The following SCNN1B variants were observed in gnomAD, a reference collection of about 807,000 sequenced individuals.
SCNN1B encodes the protein epithelial sodium channel subunit beta.
In SCNN1B, 46 loss-of-function variants were observed where a neutral mutation model predicts 65.3. That is an observed-to-expected ratio of 0.70 (90% CI 0.56 to 0.90). The LOEUF (loss-of-function observed/expected upper bound fraction) is 0.90, where lower values mean the gene tolerates loss of function less well. SCNN1B is among the 40% of genes least tolerant of loss of function. The pLI is 0.00. For synonymous variants in SCNN1B, 349 were observed against 330.6 expected (o/e 1.06, Z -0.60); for missense variants, 751 against 830.5 (o/e 0.90, Z 1.18).
chr16:23,371,252 T>C (rs1364515273), intron 5 of SCNN1B, 47 bp from the exon 6 acceptor site: 8 of 1,607,878 alleles, frequency 5.0e-6, no homozygotes, highest in South Asian at 2.2e-5. Flanking sequence ...GTCTCCTTTC[T>C]GCCTCAGGAG....
At chr16:23,311,535 C>T (rs1961343594) in intron 1 of SCNN1B, among the ~76,000 whole-genome samples, 1 of 152,180 alleles carries the variant, frequency 6.6e-6, no homozygotes, top group Admixed American at 6.5e-5. Context: ...TAACTGAGCT[C>T]AAGATTTGAA....
chr16:23,373,029 C>A (rs1427489350), intron 7 of SCNN1B, among the ~76,000 whole-genome samples: 3 of 151,976 alleles, frequency 2.0e-5, no homozygotes, highest in African/African-American at 7.2e-5. Flanking sequence ...ATTGCTTGAA[C>A]CCGGGAGGCG....
At chr16:23,361,161 C>T (rs1400896856) in intron 4 of SCNN1B, among the ~76,000 whole-genome samples, 1 of 152,134 alleles carries the variant, frequency 6.6e-6, no homozygotes, top group Non-Finnish European at 1.5e-5. Flanking sequence ...AACTTCTGAC[C>T]TCAGGTTATC....
At chr16:23,324,969 T>C (rs190215491) in intron 1 of SCNN1B, among the ~76,000 whole-genome samples, 127 of 152,368 alleles carry the variant, frequency 8.3e-4, no homozygotes, top group African/African-American at 2.8e-3. Flanking sequence ...CAGGGTGTTT[T>C]CCTGTGTAAT....
chr16:23,303,678 G>A (rs1338222767), intron 1 of SCNN1B, among the ~76,000 whole-genome samples: 2 of 151,986 alleles, frequency 1.3e-5, no homozygotes, highest in Non-Finnish European at 2.9e-5. Flanking sequence ...ACCCTTGGGA[G>A]GCTGAGGAGG....
chr16:23,304,976 G>A (rs556639732), intron 1 of SCNN1B, among the ~76,000 whole-genome samples: 1 of 152,258 alleles, frequency 6.6e-6, no homozygotes, highest in African/African-American at 2.4e-5. Flanking sequence ...GGGGAGACCT[G>A]GAGATGGCCC....
intron 5 of SCNN1B, among the ~76,000 whole-genome samples, chr16:23,369,677 C>T (rs1462715158): frequency 6.6e-6 from 1 of 152,120 alleles, no homozygotes. Context: ...GGCAGGTGAG[C>T]TGAGTGCCTT....
At chr16:23,364,334 G>A (rs192656635) in intron 4 of SCNN1B, among the ~76,000 whole-genome samples, 2 of 152,312 alleles carry the variant, frequency 1.3e-5, no homozygotes, top group East Asian at 3.9e-4. Flanking sequence ...GCTGAAGGAT[G>A]GGGAGAAGCC....
intron 2 of SCNN1B, among the ~76,000 whole-genome samples, chr16:23,287,320 T>A (rs997022031): frequency 5.9e-5 from 9 of 152,094 alleles, no homozygotes; most frequent in East Asian, 3.9e-4. Context: ...TTAATTTTTT[T>A]AAAAAAGAGA....
At chr16:23,289,700 G>A (rs1960896859) in intron 2 of SCNN1B, among the ~76,000 whole-genome samples, 1 of 129,258 alleles carries the variant, frequency 7.7e-6, no homozygotes, top group Non-Finnish European at 1.5e-5. Context: ...TTTTGAGGCA[G>A]AGTCTCACTC....
intron 1 of SCNN1B, among the ~76,000 whole-genome samples, chr16:23,336,275 T>A (rs922806629): frequency 6.6e-6 from 1 of 151,962 alleles, no homozygotes; most frequent in African/African-American, 2.4e-5. Context: ...CACCAGGAAA[T>A]GCCTTGGAAG....
chr16:23,310,774 A>G (rs534009692), intron 1 of SCNN1B, among the ~76,000 whole-genome samples: 7 of 152,394 alleles, frequency 4.6e-5, no homozygotes, highest in African/African-American at 1.7e-4. Flanking sequence ...CAAGAAAAGA[A>G]GTGTACATTG....
chr16:23,349,267 C>T (rs1255195778), intron 2 of SCNN1B, among the ~76,000 whole-genome samples: 1 of 151,996 alleles, frequency 6.6e-6, no homozygotes, highest in Non-Finnish European at 1.5e-5. Context: ...CCCTTGAGGC[C>T]AGGAGTTGGA....
intron 2 of SCNN1B, among the ~76,000 whole-genome samples, chr16:23,291,666 C>T (rs548043410): frequency 6.6e-6 from 1 of 151,816 alleles, no homozygotes; most frequent in East Asian, 1.9e-4. Context: ...CCATAACCTC[C>T]GAGGTTTGGG....
intron 2 of SCNN1B, among the ~76,000 whole-genome samples, chr16:23,290,183 T>C (rs927648847): frequency 3.3e-5 from 5 of 152,182 alleles, no homozygotes; most frequent in Admixed American, 1.3e-4. Flanking sequence ...AGTTAGTAGA[T>C]AGAAAATGTT....
In SCNN1B at chr16:23,306,431, G is replaced by A. The variant is rs570141096; in HGVS notation, c.-9+3994G>A. On this transcript the variant is annotated intron_variant, in intron 1 of 12. Coordinates refer to ENST00000343070, the MANE Select transcript of SCNN1B (RefSeq NM_000336.3). ...AAGTAAACACTGTCTAACCATTGCT[G>A]ATGCTGATGCTGATAATGGTGGTGT... Among the ~76,000 whole-genome samples, 27 of 152,200 alleles carry A rather than the reference G, an allele frequency of 1.8e-4. No homozygotes were observed. In the South Asian group the frequency reaches 5.0e-3, roughly 28 times the overall value.
chr16:23,326,921 G>C (rs1327020378), intron 1 of SCNN1B, among the ~76,000 whole-genome samples: 1 of 151,568 alleles, frequency 6.6e-6, no homozygotes. Context: ...ACTCTCTCAA[G>C]TCTCCAGTGA....
At chr16:23,365,557 GAGAA>G (rs71379673) in intron 4 of SCNN1B, among the ~76,000 whole-genome samples, 24,157 of 92,284 alleles carry the variant, frequency 0.26, 2,472 homozygotes, top group African/African-American at 0.34. Context: ...AAGAAGGAAA[GAGAA>G]AGAAAGAAAG....
At chr16:23,364,487 C>G (rs1312412594) in intron 4 of SCNN1B, among the ~76,000 whole-genome samples, 1 of 152,190 alleles carries the variant, frequency 6.6e-6, no homozygotes, top group African/African-American at 2.4e-5. Context: ...GCACTTTATT[C>G]TGTGAGTGAC....
Sources: gnomAD v4.1 joint callset for allele counts (sites outside exome capture counted in the v4.1 genomes callset) on GRCh38, gnomAD v4.1.1 for gene constraint, MANE v1.5 for transcripts, NCBI Gene and HGNC (gene_info 2026-07-23, HGNC 2026-07-21) for gene names.